EYS: variants seen among roughly 807,000 people sequenced by gnomAD.
The protein encoded by EYS is EGF-like photoreceptor maintenance factor, also known as protein eyes shut homolog.
EYS carries 250 observed loss-of-function variants against 282.1 expected under a neutral mutation model. The ratio of observed to expected loss-of-function variants is 0.89; its 90% CI spans 0.80 to 0.98. The LOEUF is 0.98. Among genes scored for constraint, EYS ranks in the 50% least tolerant of loss-of-function variants. The pLI is 0.00. For missense variants in EYS, 4,016 were observed against 3,709.0 expected, an observed-to-expected ratio of 1.08 and a Z score of -2.15; for synonymous variants, 1,355 against 1,282.9, an observed-to-expected ratio of 1.06 and a Z score of -1.20.
rs1370245665 is a variant in EYS, at chr6:65,333,957, C to A, written c.1766+1023G>T. On this transcript the variant is annotated intron_variant, in intron 11 of 42. Coordinates refer to ENST00000503581, the MANE Select transcript of EYS (RefSeq NM_001142800.2). ...TTTCAGCTTATTTGTATCTTTGAATCTAAAGTGTCTTCCGTAAACCATATA... is the reference window on the plus strand; with the variant it reads ...TTTCAGCTTATTTGTATCTTTGAATATAAAGTGTCTTCCGTAAACCATATA... 3.3e-5 allele frequency among the ~76,000 whole-genome samples: 5 copies of A among 150,890 alleles called. No homozygotes were observed. The East Asian group carries it at 9.8e-4, about 30-fold the overall frequency.
chr6:65,283,489 A>G (rs548230861), intron 12 of EYS, among the ~76,000 whole-genome samples: 1 of 151,684 alleles, frequency 6.6e-6, no homozygotes, highest in African/African-American at 2.4e-5. Flanking sequence ...AACATCTTTT[A>G]TTTTTTCTAT....
intron 22 of EYS, among the ~76,000 whole-genome samples, chr6:64,766,649 AATATATATATATATAT>A (rs70999172): frequency 5.8e-4 from 11 of 19,050 alleles, no homozygotes; most frequent in Admixed American, 9.6e-4. Context: ...AAAAAAAAAA[AATATATATATATATAT>A]ATATATATAT....
At chr6:64,391,496 C>T (rs1036348267) in intron 28 of EYS, among the ~76,000 whole-genome samples, 3 of 151,746 alleles carry the variant, frequency 2.0e-5, no homozygotes, top group African/African-American at 7.3e-5. Flanking sequence ...AAAGAATTTT[C>T]AACCCAGAAT....
At chr6:64,496,676 T>C (rs1776898192) in intron 26 of EYS, among the ~76,000 whole-genome samples, 1 of 152,030 alleles carries the variant, frequency 6.6e-6, no homozygotes, top group Admixed American at 6.6e-5. Flanking sequence ...TAGATATCTA[T>C]TATTCTTTTT....
In EYS at chr6:65,690,372, A is replaced by G. The variant is rs1172598535; in HGVS notation, c.-448+16763T>C. Among the ~76,000 whole-genome samples, 2 of 149,828 alleles carry G rather than the reference A, an allele frequency of 1.3e-5. 1 individual carries two copies. Among genetic ancestry groups the G allele is most frequent in the East Asian group, 4.7e-4 (2 of 4,248 alleles). Reference sequence around the variant, plus strand: ...GCAAGATGAGGGCGTTTATAGCCCTATCTTATCCATATGGACAGGTGCCCC... The same window carrying G: ...GCAAGATGAGGGCGTTTATAGCCCTGTCTTATCCATATGGACAGGTGCCCC... On this transcript the variant is annotated intron_variant, in intron 1 of 42. Coordinates refer to ENST00000503581, the MANE Select transcript of EYS (RefSeq NM_001142800.2).
intron 26 of EYS, among the ~76,000 whole-genome samples, chr6:64,448,192 G>C (rs2150474559): frequency 6.6e-6 from 1 of 152,336 alleles, no homozygotes; most frequent in South Asian, 2.1e-4. Flanking sequence ...TTATCAAACG[G>C]CACACCAGGA....
intron 12 of EYS, among the ~76,000 whole-genome samples, chr6:65,151,090 G>C (rs1263427891): frequency 1.3e-5 from 2 of 151,846 alleles, no homozygotes; most frequent in Non-Finnish European, 2.9e-5. Context: ...GTATTTTTTA[G>C]TATGACATTT....
At chr6:63,917,217 C>A (rs1764446895) in intron 35 of EYS, among the ~76,000 whole-genome samples, 1 of 152,248 alleles carries the variant, frequency 6.6e-6, no homozygotes, top group Admixed American at 6.5e-5. Flanking sequence ...TGCAACCCAG[C>A]TCAGGGCCAT....
chr6:64,249,301 C>T (rs1030416888), intron 30 of EYS, among the ~76,000 whole-genome samples: 1 of 152,034 alleles, frequency 6.6e-6, no homozygotes, highest in Non-Finnish European at 1.5e-5. Context: ...ATAGAACTTG[C>T]TCTGACTCAT....
intron 19 of EYS, among the ~76,000 whole-genome samples, chr6:64,879,586 A>T (rs1766852681): frequency 6.8e-6 from 1 of 146,630 alleles, no homozygotes; most frequent in African/African-American, 2.5e-5. Context: ...GGTAAGATAG[A>T]CAGTTTTGGG....
intron 26 of EYS, among the ~76,000 whole-genome samples, chr6:64,572,055 C>T (rs1765743561): frequency 6.6e-6 from 1 of 152,070 alleles, no homozygotes; most frequent in Admixed American, 6.6e-5. Context: ...AAACTGAATC[C>T]AGCAGCACAT....
At chr6:64,556,853 G>A (rs1765249002) in intron 26 of EYS, among the ~76,000 whole-genome samples, 1 of 151,756 alleles carries the variant, frequency 6.6e-6, no homozygotes. Flanking sequence ...AAACTAAATA[G>A]ATAAAAAGAA....
chr6:63,920,846 G>C (rs998796126), intron 35 of EYS, among the ~76,000 whole-genome samples: 1 of 151,920 alleles, frequency 6.6e-6, no homozygotes, highest in African/African-American at 2.4e-5. Flanking sequence ...TGTGACCTCA[G>C]ATAAGGCCCT....
intron 26 of EYS, among the ~76,000 whole-genome samples, chr6:64,472,719 A>G (rs995565990): frequency 1.5e-4 from 23 of 152,306 alleles, no homozygotes; most frequent in African/African-American, 5.3e-4. Context: ...TCAAATACCA[A>G]TTTACACCCT....
At chr6:64,076,642 A>C (rs1771780216) in intron 32 of EYS, among the ~76,000 whole-genome samples, 1 of 151,838 alleles carries the variant, frequency 6.6e-6, no homozygotes, top group Non-Finnish European at 1.5e-5. Flanking sequence ...CCTGCTGTCA[A>C]GTAAGATGTG....
chr6:64,884,970 C>A (rs1767043295), intron 19 of EYS, among the ~76,000 whole-genome samples: 1 of 151,550 alleles, frequency 6.6e-6, no homozygotes, highest in South Asian at 2.1e-4. Context: ...ATACAGTTAG[C>A]ACCACTCTTT....
chr6:63,751,904 TG>T (rs1330116260), intron 41 of EYS, among the ~76,000 whole-genome samples: 1 of 152,236 alleles, frequency 6.6e-6, no homozygotes, highest in Non-Finnish European at 1.5e-5. Flanking sequence ...GAATGATCTT[TG>T]GAAACCCATC....
At chr6:65,347,557 T>A (rs1183286258) in intron 9 of EYS, among the ~76,000 whole-genome samples, 1 of 41,812 alleles carries the variant, frequency 2.4e-5, no homozygotes, top group African/African-American at 6.5e-5. Context: ...ATCTTCCCCA[T>A]CCATTTTTTT....
intron 36 of EYS, among the ~76,000 whole-genome samples, chr6:63,814,287 G>A (rs1771123145): frequency 6.6e-6 from 1 of 152,150 alleles, no homozygotes; most frequent in Non-Finnish European, 1.5e-5. Flanking sequence ...ATAGGTGATG[G>A]TAGCCTGCAC....
Sources: gnomAD v4.1 joint callset for allele counts (sites outside exome capture counted in the v4.1 genomes callset) on GRCh38, gnomAD v4.1.1 for gene constraint, MANE v1.5 for transcripts, NCBI Gene and HGNC (gene_info 2026-07-23, HGNC 2026-07-21) for gene names.